Variants in MAGI2 observed in about 807,000 individuals in gnomAD.
MAGI2 encodes the protein membrane associated guanylate kinase, WW and PDZ domain containing 2.
MAGI2 carries 35 observed loss-of-function variants against 133.3 expected under a neutral mutation model. The observed-to-expected ratio is 0.26, with a 90% CI of 0.20 to 0.35. The LOEUF is 0.35. Ranked by LOEUF, MAGI2 falls within the 10% of genes least tolerant of loss-of-function variation. The probability of loss-of-function intolerance (pLI) is 1.00; values close to 1 mark genes in which losing one functional copy is unlikely to be tolerated. For missense variants in MAGI2, 1,636 were observed against 1,863.4 expected, an observed-to-expected ratio of 0.88 and a Z score of 2.25; for synonymous variants, 729 against 710.6, an observed-to-expected ratio of 1.03 and a Z score of -0.41.
chr7:78,855,047 C>G (rs780061102), intron 2 of MAGI2, among the ~76,000 whole-genome samples: 4 of 151,624 alleles, frequency 2.6e-5, no homozygotes, highest in Admixed American at 1.3e-4. Flanking sequence ...TGTAGAGATG[C>G]GGTTTCGCCA....
At chr7:79,292,871 T>C (rs1836619047) in intron 1 of MAGI2, among the ~76,000 whole-genome samples, 1 of 149,228 alleles carries the variant, frequency 6.7e-6, no homozygotes, top group South Asian at 2.2e-4. Context: ...AATATTCCCA[T>C]CTTAATTAAG....
intron 1 of MAGI2, among the ~76,000 whole-genome samples, chr7:79,420,533 A>G (rs1846882423): frequency 6.6e-6 from 1 of 151,974 alleles, no homozygotes; most frequent in African/African-American, 2.4e-5. Context: ...GTGAAAGTTA[A>G]AAAAACAAAT....
In MAGI2 at chr7:79,281,080, G is replaced by A. The variant is rs79847866; in HGVS notation, c.301+171940C>T. On this transcript the variant is annotated intron_variant, in intron 1 of 21. Coordinates refer to ENST00000354212, the MANE Select transcript of MAGI2 (RefSeq NM_012301.4). ...ACTTGGGAGTCATCCACATAAACAT[G>A]ACCAGAGAATATGAAATGCATGAGC... Among the ~76,000 whole-genome samples the A allele has an allele frequency of 5.7e-3, 868 of 151,522 alleles. 6 individuals are homozygous for A. The highest frequency in any genetic ancestry group is 0.02 in the African/African-American group (823 of 41,268).
intron 1 of MAGI2, among the ~76,000 whole-genome samples, chr7:79,121,071 T>G (rs984555878): frequency 1.3e-5 from 2 of 152,150 alleles, no homozygotes; most frequent in Non-Finnish European, 2.9e-5. Context: ...ACATTTCTTC[T>G]ATAACTTTTG....
intron 2 of MAGI2, among the ~76,000 whole-genome samples, chr7:78,957,493 C>T (rs1445266351): frequency 5.9e-5 from 9 of 151,726 alleles, no homozygotes; most frequent in Non-Finnish European, 1.2e-4. Context: ...TATATGTAAT[C>T]GTAAGTACAT....
intron 3 of MAGI2, among the ~76,000 whole-genome samples, chr7:78,547,518 C>CGA (rs1798951598): frequency 6.6e-6 from 1 of 152,206 alleles, no homozygotes; most frequent in Non-Finnish European, 1.5e-5. Context: ...ATTCTTCATT[C>CGA]ATTCATTCGT....
At chr7:79,317,834 T>C (rs1838859722) in intron 1 of MAGI2, among the ~76,000 whole-genome samples, 1 of 151,170 alleles carries the variant, frequency 6.6e-6, no homozygotes, top group African/African-American at 2.5e-5. Flanking sequence ...CATCCTCCTT[T>C]GCATTTGTTT....
At chr7:78,632,495 AG>A (rs1809125856) in intron 2 of MAGI2, among the ~76,000 whole-genome samples, 1 of 152,224 alleles carries the variant, frequency 6.6e-6, no homozygotes, top group Non-Finnish European at 1.5e-5. Context: ...GGAAGTCAAC[AG>A]GGGATCCAGA....
intron 2 of MAGI2, among the ~76,000 whole-genome samples, chr7:78,636,645 A>G (rs1251939929): frequency 6.6e-6 from 1 of 152,096 alleles, no homozygotes; most frequent in Admixed American, 6.5e-5. Flanking sequence ...AAAAATACAA[A>G]AAATTAGCTG....
chr7:78,434,135 T>C (rs994284762), intron 6 of MAGI2, among the ~76,000 whole-genome samples: 2 of 152,218 alleles, frequency 1.3e-5, no homozygotes, highest in Non-Finnish European at 2.9e-5. Context: ...GCCTAAGTAC[T>C]TAGCTCTTTA....
At chr7:79,440,676 T>C (rs1022764889) in intron 1 of MAGI2, among the ~76,000 whole-genome samples, 5 of 152,136 alleles carry the variant, frequency 3.3e-5, no homozygotes, top group East Asian at 3.9e-4. Context: ...CTATAATGTA[T>C]AGTTATATAA....
intron 1 of MAGI2, among the ~76,000 whole-genome samples, chr7:79,284,568 G>A (rs1321763750): frequency 1.3e-5 from 2 of 152,048 alleles, no homozygotes; most frequent in Non-Finnish European, 2.9e-5. Context: ...TAGATACAAT[G>A]AGAGCATTAA....
intron 9 of MAGI2, among the ~76,000 whole-genome samples, chr7:78,294,688 A>G (rs2151052446): frequency 6.6e-6 from 1 of 152,248 alleles, no homozygotes; most frequent in South Asian, 2.1e-4. Context: ...TCACCAACCA[A>G]GCAGCCAACC....
chr7:78,435,139 G>T (rs902823942), intron 6 of MAGI2, among the ~76,000 whole-genome samples: 3 of 152,052 alleles, frequency 2.0e-5, no homozygotes, highest in African/African-American at 7.2e-5. Flanking sequence ...TATAAATGGG[G>T]GTAATCTAAA....
intron 12 of MAGI2, among the ~76,000 whole-genome samples, chr7:78,189,129 G>C (rs1827973445): frequency 6.6e-6 from 1 of 152,248 alleles, no homozygotes; most frequent in Non-Finnish European, 1.5e-5. Flanking sequence ...TGGTAGTTTA[G>C]AAATACAACC....
chr7:79,051,135 C>G (rs1812634802), intron 1 of MAGI2, among the ~76,000 whole-genome samples: 1 of 152,174 alleles, frequency 6.6e-6, no homozygotes, highest in Non-Finnish European at 1.5e-5. Context: ...TACCCTCACT[C>G]TAGATAAAAC....
chr7:78,192,614 C>T (rs1346374710), intron 12 of MAGI2, among the ~76,000 whole-genome samples: 1 of 151,468 alleles, frequency 6.6e-6, no homozygotes, highest in Non-Finnish European at 1.5e-5. Flanking sequence ...GCGCCATGCT[C>T]TCCTGGTTTC....
At chr7:79,086,219 G>C (rs116208117) in intron 1 of MAGI2, among the ~76,000 whole-genome samples, 2,767 of 151,928 alleles carry the variant, frequency 0.018, 91 homozygotes, top group African/African-American at 0.063. Context: ...TGAACTCCAA[G>C]TCAGGTCAAA....
At chr7:78,796,807 T>A (rs953245263) in intron 2 of MAGI2, among the ~76,000 whole-genome samples, 4 of 152,158 alleles carry the variant, frequency 2.6e-5, no homozygotes, top group Admixed American at 6.6e-5. Flanking sequence ...TAAAAAAGAA[T>A]GAAATCCTGT....
Sources: gnomAD v4.1 joint callset for allele counts (sites outside exome capture counted in the v4.1 genomes callset) on GRCh38, gnomAD v4.1.1 for gene constraint, MANE v1.5 for transcripts, NCBI Gene and HGNC (gene_info 2026-07-23, HGNC 2026-07-21) for gene names.